The following ATRN variants were observed in gnomAD, a reference collection of about 807,000 sequenced individuals.
ATRN encodes the protein attractin.
In ATRN, 54 loss-of-function variants were observed where a neutral mutation model predicts 178.7. The ratio of observed to expected loss-of-function variants is 0.30; its 90% CI spans 0.24 to 0.38. The LOEUF is 0.38. Among genes scored for constraint, ATRN ranks in the 10% least tolerant of loss-of-function variants. The probability of loss-of-function intolerance (pLI) is 1.00; values close to 1 mark genes in which losing one functional copy is unlikely to be tolerated. For synonymous variants in ATRN, 636 were observed against 663.0 expected (o/e 0.96, Z 0.63); for missense variants, 1,443 against 1,815.1 (o/e 0.79, Z 3.73).
intron 1 of ATRN, among the ~76,000 whole-genome samples, chr20:3,511,890 A>G (rs1468281107): frequency 6.6e-6 from 1 of 151,978 alleles, no homozygotes; most frequent in East Asian, 1.9e-4. Context: ...AATCTGAAAA[A>G]TGTTTTAATT....
rs1378025286 is a variant in ATRN, at chr20:3,591,091, T to C, written c.3185-78T>C. The C allele has an allele frequency of 4.4e-6, 6 of 1,375,630 alleles. No homozygotes were observed. In the African/African-American group the frequency reaches 5.8e-5, roughly 13 times the overall value. 85.2% of individuals were successfully genotyped at this position (1,375,630 alleles called of 1,614,324 possible). Reference sequence around the variant, plus strand: ...AAAGATAAATTAACTACAGAGATAGTTGCAGATAAATCTTATTGAACTTAA... The same window carrying C: ...AAAGATAAATTAACTACAGAGATAGCTGCAGATAAATCTTATTGAACTTAA... On this transcript the variant is annotated intron_variant, in intron 18 of 28. Transcript: ENST00000262919.
At chr20:3,616,794 G>A (rs1442587658) in intron 24 of ATRN, among the ~76,000 whole-genome samples, 1 of 152,124 alleles carries the variant, frequency 6.6e-6, no homozygotes, top group African/African-American at 2.4e-5. Flanking sequence ...AGGAGGTCCA[G>A]GAGTCCAGGG....
Position 3,649,905 on chromosome 20 carries a change from C to G in ATRN, c.*3058C>G, listed in dbSNP as rs1472336013. On this transcript the variant is annotated 3_prime_UTR_variant, in exon 29 of 29. Coordinates refer to ENST00000262919, the MANE Select transcript of ATRN (RefSeq NM_139321.3). The stretch of plus-strand genomic sequence containing the variant: ...GGAGCTAGTTTGTTGATAAATAGTT[C>G]CCATTTCCCCATGGAGAATTTGACA... 6.6e-6 allele frequency: 1 copy of G among 152,130 alleles called. No individual in the cohort carries two copies. Among genetic ancestry groups the G allele is most frequent in the East Asian group, 1.9e-4 (1 of 5,192 alleles). 9.4% of individuals were successfully genotyped at this position (152,130 alleles called of 1,614,324 possible).
At chr20:3,620,535 C>T (rs777118250) in intron 24 of ATRN, among the ~76,000 whole-genome samples, 1 of 152,178 alleles carries the variant, frequency 6.6e-6, no homozygotes, top group Non-Finnish European at 1.5e-5. Context: ...TGAGCCACTG[C>T]ATCCAGCCTG....
At chr20:3,599,338 A>G (rs2146283919) in intron 22 of ATRN, among the ~76,000 whole-genome samples, 1 of 152,348 alleles carries the variant, frequency 6.6e-6, no homozygotes, top group African/African-American at 2.4e-5. Context: ...ATGTCATTAA[A>G]AAAATAAATA....
chr20:3,568,746 T>C (rs1318092459), intron 11 of ATRN, among the ~76,000 whole-genome samples: 11 of 152,180 alleles, frequency 7.2e-5, no homozygotes, highest in Admixed American at 7.2e-4. Context: ...TTATTAACAT[T>C]GAGCTCACAG....
At chr20:3,584,107 G>T in intron 17 of ATRN, 24 bp downstream of exon 17, 1 of 1,609,430 alleles carries the variant, frequency 6.2e-7, no homozygotes. Flanking sequence ...GGAGCCCTAG[G>T]CACTTATGCA....
chr20:3,585,887 A>G (rs1440241290), intron 18 of ATRN, among the ~76,000 whole-genome samples: 1 of 152,326 alleles, frequency 6.6e-6, no homozygotes, highest in Non-Finnish European at 1.5e-5. Flanking sequence ...CAAAGCCACA[A>G]TGAGATACCA....
intron 1 of ATRN, among the ~76,000 whole-genome samples, chr20:3,515,931 A>G (rs1405882639): frequency 6.6e-6 from 1 of 152,156 alleles, no homozygotes; most frequent in Non-Finnish European, 1.5e-5. Context: ...GCATTTAGTC[A>G]TGGGAAAAAA....
chr20:3,610,305 A>T (rs1187143409), intron 24 of ATRN, among the ~76,000 whole-genome samples: 1 of 152,250 alleles, frequency 6.6e-6, no homozygotes, highest in Non-Finnish European at 1.5e-5. Flanking sequence ...ATTTAGGTAC[A>T]GTAATCAAGA....
intron 24 of ATRN, among the ~76,000 whole-genome samples, chr20:3,616,580 A>G (rs1294999479): frequency 2.0e-5 from 3 of 152,168 alleles, no homozygotes; most frequent in African/African-American, 4.8e-5. Context: ...TGACAGTGCT[A>G]TGAGCAAGAA....
At chr20:3,627,493 C>T (rs907851897) in intron 25 of ATRN, among the ~76,000 whole-genome samples, 14 of 152,046 alleles carry the variant, frequency 9.2e-5, no homozygotes, top group Non-Finnish European at 1.9e-4. Flanking sequence ...GGAAGAAGTA[C>T]AGTAGAGAGG....
At chr20:3,488,583 G>A (rs1459728128) in intron 1 of ATRN, among the ~76,000 whole-genome samples, 3 of 152,120 alleles carry the variant, frequency 2.0e-5, no homozygotes, top group East Asian at 1.9e-4. Context: ...CCTTTGGTCC[G>A]TTTGTCTATC....
chr20:3,596,495 G>A, intron 21 of ATRN, 66 bp downstream of exon 21: 3 of 1,466,036 alleles, frequency 2.0e-6, no homozygotes, highest in East Asian at 2.3e-5. Context: ...TTGTTTAAAC[G>A]GGTTTGAGAA....
chr20:3,471,155 G>A lies in ATRN; in HGVS notation c.48G>A (p.Thr16=). Residue 16 remains threonine (T), a synonymous_variant, in exon 1 of 29, where the codon ACG becomes ACA. Coordinates refer to ENST00000262919, the MANE Select transcript of ATRN (RefSeq NM_139321.3). ...CTGAGGCAAGGCTGAGGAGGAGGAC[G>A]GCGGCGACGGCAGCGCTCGCGGGCA... ...AATEARLRRR[T]AATAALAGRS... is the part of the protein sequence containing the mutation. The A allele has an allele frequency of 4.6e-6, 7 of 1,506,640 alleles. No homozygotes were observed. Among genetic ancestry groups the A allele is most frequent in the African/African-American group, 1.4e-5 (1 of 69,548 alleles). 93.3% of individuals were successfully genotyped at this position (1,506,640 alleles called of 1,614,324 possible). A position where few individuals can be genotyped will look rare whatever the true frequency, so the allele number is the denominator to read the frequency against.
At chr20:3,524,150 A>C (rs1327329193) in intron 1 of ATRN, among the ~76,000 whole-genome samples, 2 of 151,788 alleles carry the variant, frequency 1.3e-5, no homozygotes, top group Non-Finnish European at 2.9e-5. Flanking sequence ...GGTGTGCTGT[A>C]TTTAGGAGAC....
intron 1 of ATRN, among the ~76,000 whole-genome samples, chr20:3,511,400 A>G (rs897035390): frequency 3.3e-5 from 5 of 152,130 alleles, no homozygotes; most frequent in Non-Finnish European, 7.4e-5. Flanking sequence ...GTAGATCTTA[A>G]CAGACACTGA....
chr20:3,529,446 C>A (rs188495491), intron 1 of ATRN, among the ~76,000 whole-genome samples: 1 of 152,278 alleles, frequency 6.6e-6, no homozygotes, highest in East Asian at 1.9e-4. Flanking sequence ...CAAGTGTCCA[C>A]CAATAAACAA....
At chr20:3,475,740 A>G (rs2084518813) in intron 1 of ATRN, among the ~76,000 whole-genome samples, 2 of 152,258 alleles carry the variant, frequency 1.3e-5, no homozygotes, top group Non-Finnish European at 2.9e-5. Flanking sequence ...ATTGAATAGA[A>G]TAATCTGGTG....
Sources: gnomAD v4.1 joint callset for allele counts (sites outside exome capture counted in the v4.1 genomes callset) on GRCh38, gnomAD v4.1.1 for gene constraint, MANE v1.5 for transcripts, NCBI Gene and HGNC (gene_info 2026-07-23, HGNC 2026-07-21) for gene names.